Variants in EIF2AK4 observed in about 807,000 individuals in gnomAD.
EIF2AK4 encodes eukaryotic translation initiation factor 2 alpha kinase 4.
EIF2AK4 carries 139 observed loss-of-function variants against 211.1 expected under a neutral mutation model. The observed-to-expected ratio is 0.66, with a 90% CI of 0.57 to 0.76. EIF2AK4 has a LOEUF of 0.76. EIF2AK4 is among the 30% of genes least tolerant of loss of function. The probability of loss-of-function intolerance (pLI) is 0.00; values close to 1 mark genes in which losing one functional copy is unlikely to be tolerated. For missense variants in EIF2AK4, 1,664 were observed against 2,043.8 expected (o/e 0.81, Z 3.58); for synonymous variants, 710 against 751.3 (o/e 0.94, Z 0.90).
chr15:40,007,900 AG>A (rs2035182488), intron 24 of EIF2AK4, 126 bp from the exon 25 acceptor site: 1 of 677,118 alleles, frequency 1.5e-6, no homozygotes, highest in Non-Finnish European at 2.3e-6. Flanking sequence ...TTTGTCTTTC[AG>A]TCCTCTTGAT....
At chr15:39,962,598 A>G (rs1193951804) in intron 7 of EIF2AK4, among the ~76,000 whole-genome samples, 1 of 152,206 alleles carries the variant, frequency 6.6e-6, no homozygotes, top group Non-Finnish European at 1.5e-5. Flanking sequence ...AGCTAGGACT[A>G]CAGTAATGTC....
At chr15:39,964,750 C>T (rs1489449343) in intron 7 of EIF2AK4, among the ~76,000 whole-genome samples, 2 of 152,058 alleles carry the variant, frequency 1.3e-5, no homozygotes, top group Non-Finnish European at 2.9e-5. Flanking sequence ...TTTGGTGTTA[C>T]AGAAATTTAG....
In EIF2AK4 at chr15:40,007,066, G is replaced by T. The variant is rs1436473082; in HGVS notation, c.3407+1G>T. ...GAAATAATATATTGAATTTAAAACGGTAAGAAACAATAGGAGATTCCATTT... is the reference window on the plus strand; with the variant it reads ...GAAATAATATATTGAATTTAAAACGTTAAGAAACAATAGGAGATTCCATTT... On this transcript the variant is annotated splice_donor_variant, in intron 24 of 38. Coordinates refer to ENST00000263791, the MANE Select transcript of EIF2AK4 (RefSeq NM_001013703.4). LOFTEE classifies it high-confidence loss of function. The T allele has an allele frequency of 6.3e-7, 1 of 1,589,984 alleles. No homozygotes were observed. The highest frequency in any genetic ancestry group is 8.6e-7 in the Non-Finnish European group (1 of 1,160,506).
At chr15:40,030,830 A>G (rs1056040676) in intron 35 of EIF2AK4, among the ~76,000 whole-genome samples, 2 of 152,238 alleles carry the variant, frequency 1.3e-5, no homozygotes, top group African/African-American at 2.4e-5. Context: ...GGCATTTGCT[A>G]TATGCCTACT....
intron 38 of EIF2AK4, among the ~76,000 whole-genome samples, chr15:40,034,693 CTAAG>C (rs1261651245): frequency 2.0e-5 from 3 of 152,166 alleles, no homozygotes; most frequent in Non-Finnish European, 4.4e-5. Context: ...AATTCACTTT[CTAAG>C]TATGTTTAAA....
At chr15:40,017,551 A>ATATATATATATGTATG (rs71132134) in intron 29 of EIF2AK4, among the ~76,000 whole-genome samples, 10 of 87,076 alleles carry the variant, frequency 1.1e-4, no homozygotes, top group Non-Finnish European at 2.1e-4. Context: ...ATATATATAT[A>ATATATATATATGTATG]TATGTATTTT....
chr15:39,992,223 C>G lies in EIF2AK4; in HGVS notation c.2680C>G (p.Pro894Ala), dbSNP rs1471793806. Residue 894 changes from proline to alanine, a missense_variant, in exon 17 of 39, where the codon CCT becomes GCT. Coordinates refer to ENST00000263791, the MANE Select transcript of EIF2AK4 (RefSeq NM_001013703.4). ...GACAGGAGACTTGATTAAGTCAGAC[C>G]CTTCAGGTAAACCCAGAAGACTATA... Reference protein sequence around the residue: ...DQTGDLIKSDPSGHLTGMVGT... With the variant: ...DQTGDLIKSDASGHLTGMVGT... 3 of 1,610,234 alleles carry G rather than the reference C, an allele frequency of 1.9e-6. No individual in the cohort carries two copies. The highest frequency in any genetic ancestry group is 4.5e-5 in the East Asian group (2 of 44,818).
At position 39,955,488 on chromosome 15, in the gene EIF2AK4, A is replaced by G. The variant is rs503830; in HGVS notation, c.595-132A>G. The G allele has an allele frequency of 0.66, 553,466 of 843,468 alleles. 189,710 individuals carry two copies. The highest frequency in any genetic ancestry group is 1 in the East Asian group (34,348 of 34,468). The allele number at this position is 843,468 out of a possible 1,614,324, so 52.2% of individuals were successfully genotyped here. A position where few individuals can be genotyped will look rare whatever the true frequency, so the allele number is the denominator to read the frequency against. On this transcript the variant is annotated intron_variant, in intron 5 of 38. Transcript: ENST00000263791. ...TAGCTATTTTAAACGATTAAAAGTT[A>G]AGTTCAATTTTATTTCACTTGTAAA...
chr15:39,985,920 G>T, intron 14 of EIF2AK4, 32 bp downstream of exon 14: 1 of 1,590,324 alleles, frequency 6.3e-7, no homozygotes, highest in Non-Finnish European at 8.6e-7. Flanking sequence ...AGGTGACACA[G>T]CAACACCCAG....
intron 18 of EIF2AK4, among the ~76,000 whole-genome samples, chr15:39,996,210 A>G (rs753347717): frequency 6.6e-6 from 1 of 152,194 alleles, no homozygotes; most frequent in Non-Finnish European, 1.5e-5. Flanking sequence ...TGAAGGCCAT[A>G]TGACCCTGTA....
chr15:39,988,175 A>T, intron 15 of EIF2AK4, 70 bp downstream of exon 15: 1 of 1,561,754 alleles, frequency 6.4e-7, no homozygotes, highest in South Asian at 1.1e-5. Context: ...AAAAATATCA[A>T]ATGTAAGATT....
In EIF2AK4 at chr15:40,013,333, C is replaced by A. The variant is rs118075218; in HGVS notation, c.3759+1987C>A. Among the ~76,000 whole-genome samples, 6 of 152,138 alleles carry A rather than the reference C, an allele frequency of 3.9e-5. No homozygotes were observed. The East Asian group carries it at 1.2e-3, about 29-fold the overall frequency. On this transcript the variant is annotated intron_variant, in intron 27 of 38. Coordinates refer to ENST00000263791, the MANE Select transcript of EIF2AK4 (RefSeq NM_001013703.4). Reference sequence around the variant, plus strand: ...TTCTTTTTTATAGCGGGATAGCAGGCGTGAGCCATTGCATCCAGCCAAAAT... The same window carrying A: ...TTCTTTTTTATAGCGGGATAGCAGGAGTGAGCCATTGCATCCAGCCAAAAT...
At chr15:39,994,922 AC>A (rs1487990806) in intron 18 of EIF2AK4, among the ~76,000 whole-genome samples, 1 of 151,918 alleles carries the variant, frequency 6.6e-6, no homozygotes, top group Non-Finnish European at 1.5e-5. Context: ...GCTCACTGCA[AC>A]CTCCGCCTCC....
chr15:40,013,334 G>C (rs146546174), intron 27 of EIF2AK4, among the ~76,000 whole-genome samples: 3 of 151,964 alleles, frequency 2.0e-5, no homozygotes, highest in African/African-American at 4.8e-5. Flanking sequence ...GATAGCAGGC[G>C]TGAGCCATTG....
chr15:40,019,239 T>C (rs1379800398), intron 30 of EIF2AK4, 39 bp downstream of exon 30: 1 of 1,436,996 alleles, frequency 7.0e-7, no homozygotes, highest in African/African-American at 1.5e-5. Flanking sequence ...CTTCGAGGTG[T>C]CTTTCATTTC....
chr15:40,013,174 C>A (rs1035763541), intron 27 of EIF2AK4, among the ~76,000 whole-genome samples: 2 of 151,794 alleles, frequency 1.3e-5, no homozygotes, highest in Non-Finnish European at 2.9e-5. Flanking sequence ...AAATTTTTTT[C>A]TTTTTATTTT....
Position 39,939,630 on chromosome 15 carries a change from A to G in EIF2AK4, c.257+13A>G, listed in dbSNP as rs779017653. On this transcript the variant is annotated intron_variant, in intron 2 of 38. Transcript: ENST00000263791. Reference sequence around the variant, plus strand: ...CCTATCCAGATGTGTGAGTACATTTATAAATAGCTTTGACGTGGTTTCAGT... The same window carrying G: ...CCTATCCAGATGTGTGAGTACATTTGTAAATAGCTTTGACGTGGTTTCAGT... The G allele has an allele frequency of 6.9e-6, 11 of 1,584,996 alleles. No individual in the cohort carries two copies. The East Asian group carries it at 2.5e-4, about 36-fold the overall frequency.
rs771039960 is a variant in EIF2AK4, at chr15:40,022,739, T to G, written c.4389+134T>G. 1.4e-4 allele frequency: 104 copies of G among 718,210 alleles called. 1 individual carries two copies. The highest frequency in any genetic ancestry group is 1.8e-4 in the Non-Finnish European group (80 of 449,750). The allele number at this position is 718,210 out of a possible 1,614,324, so 44.5% of individuals were successfully genotyped here. A position where few individuals can be genotyped will look rare whatever the true frequency, so the allele number is the denominator to read the frequency against. On this transcript the variant is annotated intron_variant, in intron 32 of 38. Coordinates refer to ENST00000263791, the MANE Select transcript of EIF2AK4 (RefSeq NM_001013703.4). Reference sequence around the variant, plus strand: ...CTACTCTCCCTTTCCATTGTTGGGTTTCTTTTTTTTTTTTGAGACGGAGTC... The same window carrying G: ...CTACTCTCCCTTTCCATTGTTGGGTGTCTTTTTTTTTTTTGAGACGGAGTC...
At chr15:39,971,047 T>G (rs997909854) in intron 9 of EIF2AK4, among the ~76,000 whole-genome samples, 1 of 152,180 alleles carries the variant, frequency 6.6e-6, no homozygotes, top group Non-Finnish European at 1.5e-5. Context: ...GTATATTGTT[T>G]TAATTATAGG....
Sources: gnomAD v4.1 joint callset for allele counts (sites outside exome capture counted in the v4.1 genomes callset) on GRCh38, gnomAD v4.1.1 for gene constraint, MANE v1.5 for transcripts, NCBI Gene and HGNC (gene_info 2026-07-23, HGNC 2026-07-21) for gene names.